The following ADGRL1 variants were observed in gnomAD, a reference collection of about 807,000 sequenced individuals.
The protein encoded by ADGRL1 is CIRL-1.
In ADGRL1, 31 loss-of-function variants were observed where a neutral mutation model predicts 148.9. That is an observed-to-expected ratio of 0.21 (90% CI 0.16 to 0.28). ADGRL1 has a LOEUF of 0.28. Among genes scored for constraint, ADGRL1 ranks in the 10% least tolerant of loss-of-function variants. The pLI, the probability that ADGRL1 is intolerant of heterozygous loss-of-function variation, is 1.00. For synonymous variants in ADGRL1, 937 were observed against 900.3 expected (o/e 1.04, Z -0.73); for missense variants, 1,521 against 2,058.8 (o/e 0.74, Z 5.05).
intron 1 of ADGRL1, among the ~76,000 whole-genome samples, chr19:14,186,912 C>G (rs1971607304): frequency 6.6e-6 from 1 of 152,230 alleles, no homozygotes; most frequent in African/African-American, 2.4e-5. Context: ...TACCCTGACC[C>G]CCTGCAAACA....
Position 14,151,070 on chromosome 19 carries a change from G to GGGC in ADGRL1, c.4212_4213insGCC (p.Leu1404_Pro1405insAla). On this transcript the variant is annotated inframe_insertion, in exon 23 of 23. Transcript: ENST00000361434. ...CCGGGGGGTGCGGGAGGGGGTGGGG[G>GGGC]CAGGGCCTCACTGGGCCCCTCAGGG... The GGGC allele has an allele frequency of 1.8e-5, 13 of 709,398 alleles. No individual in the cohort carries two copies. Among genetic ancestry groups the GGGC allele is most frequent in the Non-Finnish European group, 2.8e-5 (13 of 459,048 alleles). 43.9% of individuals were successfully genotyped at this position (709,398 alleles called of 1,614,324 possible). A position where few individuals can be genotyped will look rare whatever the true frequency, so the allele number is the denominator to read the frequency against.
chr19:14,174,534 CAT>C (rs1491575847), intron 3 of ADGRL1, among the ~76,000 whole-genome samples: 10 of 142,632 alleles, frequency 7.0e-5, no homozygotes, highest in South Asian at 2.2e-4. Flanking sequence ...TGGTAACACA[CAT>C]TTTTTTTTTT....
intron 3 of ADGRL1, among the ~76,000 whole-genome samples, chr19:14,172,477 C>T (rs930849719): frequency 6.6e-6 from 1 of 152,076 alleles, no homozygotes. Flanking sequence ...CAGTGGCTCA[C>T]ACCTGTAATC....
chr19:14,182,867 G>C (rs1971295721), intron 2 of ADGRL1, among the ~76,000 whole-genome samples: 2 of 152,350 alleles, frequency 1.3e-5, no homozygotes, highest in Admixed American at 6.5e-5. Context: ...GGGCCAGAGG[G>C]AGCAGAGTCA....
At chr19:14,179,071 C>T (rs752416577) in intron 2 of ADGRL1, among the ~76,000 whole-genome samples, 8 of 152,064 alleles carry the variant, frequency 5.3e-5, no homozygotes, top group Non-Finnish European at 5.9e-5. Flanking sequence ...GTAATCCCAG[C>T]GACTTGAGAG....
In ADGRL1 at chr19:14,157,106, A is replaced by T; in HGVS notation, c.2785T>A (p.Phe929Ile). 1 of 1,614,106 alleles carries T rather than the reference A, an allele frequency of 6.2e-7. No individual in the cohort carries two copies. Among genetic ancestry groups the T allele is most frequent in the South Asian group, 1.1e-5 (1 of 91,088 alleles). ...PIFAGLLHYF[F>I]LAAFSWLCLE... ...CACAGCCAGGAGAAGGCAGCCAGGA[A>T]GAAATAGTGCAGCAGGCCGGCGAAG... The change falls in exon 15 of 23, where the codon TTC (phenylalanine) becomes ATC (isoleucine). Residue 929 changes from phenylalanine to isoleucine, a missense_variant. Phe to Ile is a conservative substitution (Grantham distance 21). This residue lies in a region of ADGRL1 where 26 missense variants were observed against 75.0 expected (regional missense o/e 0.35). Coordinates refer to ENST00000361434, the MANE Select transcript of ADGRL1 (RefSeq NM_014921.5). This position sits in a 1 kb window ranked among gnomAD's most constrained non-coding sequence, Gnocchi z 7.5.
Position 14,152,060 on chromosome 19 carries a change from A to G in ADGRL1, c.3667+73T>C. The G allele has an allele frequency of 1.4e-6, 2 of 1,412,076 alleles. No individual in the cohort carries two copies. Among genetic ancestry groups the G allele is most frequent in the Non-Finnish European group, 2.0e-6 (2 of 996,114 alleles). 87.5% of individuals were successfully genotyped at this position (1,412,076 alleles called of 1,614,324 possible). A position where few individuals can be genotyped will look rare whatever the true frequency, so the allele number is the denominator to read the frequency against. On this transcript the variant is annotated intron_variant, in intron 22 of 22. Coordinates refer to ENST00000361434, the MANE Select transcript of ADGRL1 (RefSeq NM_014921.5). The surrounding 1 kb of genome is among the most constrained non-coding windows in gnomAD (Gnocchi z 6.1). ...CATCCCGAGTTCTCCTCCTTAAGTG[A>G]GGCCGTCTGAGAAGGCCACTGTCTG...
Position 14,159,039 on chromosome 19 carries a change from G to C in ADGRL1, c.2149+51C>G. The C allele has an allele frequency of 1.2e-6, 2 of 1,605,606 alleles. No individual in the cohort carries two copies. Among genetic ancestry groups the C allele is most frequent in the Non-Finnish European group, 1.7e-6 (2 of 1,175,340 alleles). Reference sequence around the variant, plus strand: ...ACAGAGACGCTGGCACAGAGCTGGGGGGTGGGGGTGGGGCTGCTTCCCCAC... The same window carrying C: ...ACAGAGACGCTGGCACAGAGCTGGGCGGTGGGGGTGGGGCTGCTTCCCCAC... On this transcript the variant is annotated intron_variant, in intron 11 of 22. Coordinates refer to ENST00000361434, the MANE Select transcript of ADGRL1 (RefSeq NM_014921.5). This position sits in a 1 kb window ranked among gnomAD's most constrained non-coding sequence, Gnocchi z 6.0.
At chr19:14,205,559 CCAGA>C (rs1882200887) in intron 1 of ADGRL1, among the ~76,000 whole-genome samples, 1 of 151,688 alleles carries the variant, frequency 6.6e-6, no homozygotes, top group African/African-American at 2.4e-5. Flanking sequence ...CCGCTCACAC[CCAGA>C]CACCTACACA....
At chr19:14,183,229 CAG>C (rs1188593587) in intron 2 of ADGRL1, among the ~76,000 whole-genome samples, 1 of 105,386 alleles carries the variant, frequency 9.5e-6, no homozygotes, top group African/African-American at 3.2e-5. Context: ...GAGAGAGAGA[CAG>C]AGAGAGGAGC....
Position 14,177,516 on chromosome 19 carries a change from C to G in ADGRL1, c.284+15G>C, listed in dbSNP as rs200717671. ...CGGGCACTTCATCCAGGAACTGCCA[C>G]GAGAGCCCACTCACCTCTGTGACAT... On this transcript the variant is annotated intron_variant, in intron 3 of 22. Coordinates refer to ENST00000361434, the MANE Select transcript of ADGRL1 (RefSeq NM_014921.5). 4 of 1,609,804 alleles carry G rather than the reference C, an allele frequency of 2.5e-6. No homozygotes were observed. The highest frequency in any genetic ancestry group is 2.2e-5 in the East Asian group (1 of 44,766).
chr19:14,184,634 ATTTAT>A (rs1971456889), intron 1 of ADGRL1, among the ~76,000 whole-genome samples: 1 of 119,052 alleles, frequency 8.4e-6, no homozygotes, highest in Admixed American at 8.3e-5. Context: ...TTATTTATTT[ATTTAT>A]TTATTTATTT....
At chr19:14,165,691 G>C (rs1301494035) in intron 4 of ADGRL1, among the ~76,000 whole-genome samples, 1 of 150,500 alleles carries the variant, frequency 6.6e-6, no homozygotes, top group Non-Finnish European at 1.5e-5. Context: ...AGAGACTCCA[G>C]GAGAAAGAGA....
rs1568572830 is a variant in ADGRL1 at position 14,157,269 on chromosome 19, G to A, written c.2727C>T (p.Ile909=). The part of the protein sequence containing the change: ...FLAELLFLVG[I]DKTQYEIACP... ...AGCCCACCTCATACTGAGTCTTGTC[G>A]ATCCCGACCAGGAAGAGCAGCTCAG... The change falls in exon 14 of 23, where the codon ATC becomes ATT. Residue 909 remains isoleucine, a synonymous_variant. Coordinates refer to ENST00000361434, the MANE Select transcript of ADGRL1 (RefSeq NM_014921.5). The surrounding 1 kb of genome is among the most constrained non-coding windows in gnomAD (Gnocchi z 7.5). 1.9e-6 allele frequency: 3 copies of A among 1,614,052 alleles called. No homozygotes were observed. The highest frequency in any genetic ancestry group is 2.2e-5 in the East Asian group (1 of 44,888).
chr19:14,160,359 C>A lies in ADGRL1; in HGVS notation c.1615-62G>T. 6.8e-7 allele frequency: 1 copy of A among 1,477,474 alleles called. No homozygotes were observed. Among genetic ancestry groups the A allele is most frequent in the East Asian group, 2.3e-5 (1 of 43,482 alleles). The allele number at this position is 1,477,474 out of a possible 1,614,324, so 91.5% of individuals were successfully genotyped here. ...ACTGTCAGGGACCATCCTGCCCTCCCCGGCTTCCCTGGCCTGTGCAGCCTC... is the reference window on the plus strand; with the variant it reads ...ACTGTCAGGGACCATCCTGCCCTCCACGGCTTCCCTGGCCTGTGCAGCCTC... On this transcript the variant is annotated intron_variant, in intron 7 of 22. Transcript: ENST00000361434. This position sits in a 1 kb window ranked among gnomAD's most constrained non-coding sequence, Gnocchi z 5.9.
intron 2 of ADGRL1, among the ~76,000 whole-genome samples, chr19:14,179,087 G>C (rs1971015164): frequency 6.6e-6 from 1 of 152,120 alleles, no homozygotes; most frequent in African/African-American, 2.4e-5. Flanking sequence ...GAGAGGCTGA[G>C]GCAGGAGAAT....
intron 12 of ADGRL1, 45 bp downstream of exon 12, chr19:14,158,293 A>G: frequency 6.3e-7 from 1 of 1,582,394 alleles, no homozygotes; most frequent in Non-Finnish European, 8.7e-7. Context: ...GGGAACACAG[A>G]GGGTACAGGG....
intron 1 of ADGRL1, among the ~76,000 whole-genome samples, chr19:14,189,208 T>C (rs1211337024): frequency 1.3e-5 from 2 of 151,596 alleles, no homozygotes; most frequent in Non-Finnish European, 1.5e-5. Flanking sequence ...TCACAGGCTA[T>C]GTGGCCTTTT....
In ADGRL1 at chr19:14,151,727, C is replaced by T. The variant is rs751677600; in HGVS notation, c.3668-112G>A. The T allele has an allele frequency of 1.9e-5, 20 of 1,077,264 alleles. No homozygotes were observed. The Admixed American group carries it at 3.2e-4, about 17-fold the overall frequency. 66.7% of individuals were successfully genotyped at this position (1,077,264 alleles called of 1,614,324 possible). ...GTGGGCTTGATTCCTGCTGGTTTTC[C>T]GTAGGCTTCCCCCTGCCCCCTGGAT... On this transcript the variant is annotated intron_variant, in intron 22 of 22. Transcript: ENST00000361434.
Sources: allele counts gnomAD v4.1 joint callset (sites outside exome capture counted in the v4.1 genomes callset), GRCh38; gene constraint gnomAD v4.1.1; regional missense constraint gnomAD v4.1.1; non-coding constraint Gnocchi (gnomAD v3.1); transcripts MANE v1.5; gene names NCBI Gene and HGNC (gene_info 2026-07-23, HGNC 2026-07-21).